The following NAGA variants were observed in gnomAD, a reference collection of about 807,000 sequenced individuals.
NAGA encodes the protein Acetylgalactosaminidase, alpha-N- (alpha-galactosidase B).
In NAGA, 42 loss-of-function variants were observed where a neutral mutation model predicts 45.6. That is an observed-to-expected ratio of 0.92 (90% CI 0.72 to 1.19). The LOEUF is 1.19. NAGA is among the 50% of genes most tolerant of loss of function. NAGA has a pLI of 0.00. For missense variants in NAGA, 493 were observed against 544.8 expected (o/e 0.90, Z 0.95); for synonymous variants, 176 against 203.1 (o/e 0.87, Z 1.13).
intron 6 of NAGA, among the ~76,000 whole-genome samples, chr22:42,064,635 ACT>A (rs1926617027): frequency 6.6e-6 from 1 of 152,108 alleles, no homozygotes. Flanking sequence ...ACAGAGCAAG[ACT>A]CTGTCTCAAA....
In NAGA at chr22:42,070,421, C is replaced by G; in HGVS notation, c.-124G>C. Reference sequence around the variant, plus strand: ...TGGGGTCACGGCTGCCTGGCTAGCTCGGCCGCCCTCAACCTTAGGCGTGGA... The same window carrying G: ...TGGGGTCACGGCTGCCTGGCTAGCTGGGCCGCCCTCAACCTTAGGCGTGGA... On this transcript the variant is annotated 5_prime_UTR_variant, in exon 1 of 9. Coordinates refer to ENST00000396398, the MANE Select transcript of NAGA (RefSeq NM_000262.3). 2.5e-6 allele frequency: 3 copies of G among 1,178,180 alleles called. No individual in the cohort carries two copies. Among genetic ancestry groups the G allele is most frequent in the Non-Finnish European group, 3.8e-6 (3 of 786,560 alleles). 73.0% of individuals were successfully genotyped at this position (1,178,180 alleles called of 1,614,324 possible).
In NAGA at chr22:42,066,730, C is replaced by G. The variant is rs121434531; in HGVS notation, c.577G>C (p.Glu193Gln). The change falls in exon 5 of 9, where the codon GAA (glutamate) becomes CAA (glutamine). Residue 193 changes from glutamate (E) to glutamine (Q), a missense_variant. Physicochemically the swap from Glu to Gln is conservative, Grantham distance 29. Coordinates refer to ENST00000396398, the MANE Select transcript of NAGA (RefSeq NM_000262.3). ...CTTACCCTTGGGGGGAGGCCGCCTT[C>G]ATAGGCTGGCCAGCTGCAGGAGAAG... Reference protein sequence around the residue: ...IAFSCSWPAYEGGLPPRVNYS... With the variant: ...IAFSCSWPAYQGGLPPRVNYS... 2 of 1,603,580 alleles carry G rather than the reference C, an allele frequency of 1.2e-6. No homozygotes were observed. Among genetic ancestry groups the G allele is most frequent in the Non-Finnish European group, 1.7e-6 (2 of 1,175,538 alleles).
In NAGA at chr22:42,060,427, G is replaced by T. The variant is rs377439996; in HGVS notation, c.1102-14C>A. ...GACGTCCTGGGCCTGCAGTGGGGAG[G>T]GACATCACCAATGCCACCATGAGAG... On this transcript the variant is annotated splice_polypyrimidine_tract_variant and intron_variant, in intron 8 of 8. Transcript: ENST00000396398. The T allele has an allele frequency of 3.1e-6, 5 of 1,612,222 alleles. No homozygotes were observed. The highest frequency in any genetic ancestry group is 1.7e-5 in the Admixed American group (1 of 59,980).
At position 42,070,333 on chromosome 22, in the gene NAGA, C is replaced by A. The variant is rs377098777; in HGVS notation, c.-36G>T. The stretch of plus-strand genomic sequence containing the variant: ...TCAGCTTCCGAGGACCTGACCAGAT[C>A]TGGTCTGCGTGTATCAGCTGTATGT... On this transcript the variant is annotated 5_prime_UTR_variant, in exon 1 of 9. Transcript: ENST00000396398. 2.0e-5 allele frequency: 32 copies of A among 1,613,820 alleles called. No homozygotes were observed. Among genetic ancestry groups the A allele is most frequent in the Non-Finnish European group, 2.7e-5 (32 of 1,179,778 alleles).
chr22:42,065,687 C>A, intron 6 of NAGA, 51 bp downstream of exon 6: 1 of 1,609,802 alleles, frequency 6.2e-7, no homozygotes, highest in Non-Finnish European at 8.5e-7. Context: ...CAGTGGGGAG[C>A]AGGGTCGTCA....
At position 42,067,142 on chromosome 22, in the gene NAGA, C is replaced by T; in HGVS notation, c.473G>A (p.Cys158Tyr). ...GGCCCGCTCCTCGGGGGTGGAGAAGCAGCCATCCAGCTTGAGCATGTCTAC... is the reference window on the plus strand; with the variant it reads ...GGCCCGCTCCTCGGGGGTGGAGAAGTAGCCATCCAGCTTGAGCATGTCTAC... ...WKVDMLKLDG[C>Y]FSTPEERAQG... Residue 158 changes from cysteine (C) to tyrosine (Y), a missense_variant, in exon 4 of 9, where the codon TGC becomes TAC. Transcript: ENST00000396398. 1 of 1,614,158 alleles carries T rather than the reference C, an allele frequency of 6.2e-7. No individual in the cohort carries two copies. Among genetic ancestry groups the T allele is most frequent in the Non-Finnish European group, 8.5e-7 (1 of 1,180,024 alleles).
At chr22:42,068,027 A>C in intron 2 of NAGA, 91 bp from the exon 3 acceptor site, 5 of 1,268,534 alleles carry the variant, frequency 3.9e-6, no homozygotes, top group East Asian at 2.3e-5. Flanking sequence ...CTGGGCTATA[A>C]AAACCATGAC....
In NAGA at chr22:42,068,586, G is replaced by T; in HGVS notation, c.17-12C>A. On this transcript the variant is annotated splice_polypyrimidine_tract_variant and intron_variant, in intron 1 of 8. Coordinates refer to ENST00000396398, the MANE Select transcript of NAGA (RefSeq NM_000262.3). ...TCCCAGCAAGAGCACTAGGGGGCAAGGGAGGAGGGGATGGTGACTATCAGT... is the reference window on the plus strand; with the variant it reads ...TCCCAGCAAGAGCACTAGGGGGCAATGGAGGAGGGGATGGTGACTATCAGT... The T allele has an allele frequency of 6.2e-7, 1 of 1,613,922 alleles. No homozygotes were observed. The highest frequency in any genetic ancestry group is 8.5e-7 in the Non-Finnish European group (1 of 1,179,980).
chr22:42,070,581 G>T lies in NAGA; in HGVS notation c.-284C>A. ...CACCCTCTGCAGTGCTGGGAGTCCC[G>T]AGGGCCTACGGGCCGCCTTCGGCCC... On this transcript the variant is annotated 5_prime_UTR_variant, in exon 1 of 9. Coordinates refer to ENST00000396398, the MANE Select transcript of NAGA (RefSeq NM_000262.3). 3.6e-6 allele frequency: 2 copies of T among 563,242 alleles called. No individual in the cohort carries two copies. Among genetic ancestry groups the T allele is most frequent in the South Asian group, 4.1e-5 (2 of 49,336 alleles). 34.9% of individuals were successfully genotyped at this position (563,242 alleles called of 1,614,324 possible). A position where few individuals can be genotyped will look rare whatever the true frequency, so the allele number is the denominator to read the frequency against.
chr22:42,070,435 CT>C lies in NAGA; in HGVS notation c.-139del. On this transcript the variant is annotated 5_prime_UTR_variant, in exon 1 of 9. It removes the in-frame stop codon of an upstream open reading frame in the 5' UTR. Transcript: ENST00000396398. ...CCTGGCTAGCTCGGCCGCCCTCAAC[CT>C]TAGGCGTGGATCGTACACTCGGTCC... The C allele has an allele frequency of 1.0e-6, 1 of 991,304 alleles. No homozygotes were observed. The highest frequency in any genetic ancestry group is 1.6e-6 in the Non-Finnish European group (1 of 620,078). 61.4% of individuals were successfully genotyped at this position (991,304 alleles called of 1,614,324 possible).
chr22:42,070,659 G>A lies in NAGA; in HGVS notation c.-362C>T, dbSNP rs940598947. On this transcript the variant is annotated 5_prime_UTR_variant, in exon 1 of 9. Coordinates refer to ENST00000396398, the MANE Select transcript of NAGA (RefSeq NM_000262.3). Reference sequence around the variant, plus strand: ...TGGCTTAAGGTCACCAAGAAAGAGCGGAGGGGCGGGGCTGCGGCCAGGCTC... The same window carrying A: ...TGGCTTAAGGTCACCAAGAAAGAGCAGAGGGGCGGGGCTGCGGCCAGGCTC... 3 of 374,812 alleles carry A rather than the reference G, an allele frequency of 8.0e-6. No individual in the cohort carries two copies. Among genetic ancestry groups the A allele is most frequent in the African/African-American group, 6.2e-5 (3 of 48,394 alleles). 23.2% of individuals were successfully genotyped at this position (374,812 alleles called of 1,614,324 possible). A position where few individuals can be genotyped will look rare whatever the true frequency, so the allele number is the denominator to read the frequency against.
chr22:42,060,039 GCGC>G lies in NAGA; in HGVS notation c.*237_*239del. 1.9e-6 allele frequency: 1 copy of G among 537,972 alleles called. No homozygotes were observed. Among genetic ancestry groups the G allele is most frequent in the Non-Finnish European group, 3.4e-6 (1 of 296,282 alleles). 33.3% of individuals were successfully genotyped at this position (537,972 alleles called of 1,614,324 possible). ...GTTGCTCAGCAACGTCTGTGGGGCT[GCGC>G]ACATGGAAGTAGAGGCCAGGAAGGC... On this transcript the variant is annotated 3_prime_UTR_variant, in exon 9 of 9. Coordinates refer to ENST00000396398, the MANE Select transcript of NAGA (RefSeq NM_000262.3).
intron 3 of NAGA, 84 bp from the exon 4 acceptor site, chr22:42,067,374 C>G: frequency 1.3e-6 from 2 of 1,540,624 alleles, no homozygotes; most frequent in Non-Finnish European, 8.9e-7. Context: ...TCCCATTAAA[C>G]CTCCAGTGGC....
chr22:42,062,707 G>T, intron 7 of NAGA, 120 bp downstream of exon 7: 2 of 1,141,142 alleles, frequency 1.8e-6, no homozygotes, highest in Non-Finnish European at 2.6e-6. Flanking sequence ...GGTAGCCCTG[G>T]TTGGGGACTG....
chr22:42,068,077 C>T, intron 2 of NAGA, 141 bp from the exon 3 acceptor site: 1 of 863,962 alleles, frequency 1.2e-6, no homozygotes. Flanking sequence ...TAAATGACCA[C>T]CAGAGATTGT....
rs1402967695 is a variant in NAGA, at chr22:42,060,282, C to A, written c.1233G>T (p.Gln411His). The A allele has an allele frequency of 6.2e-7, 1 of 1,613,472 alleles. No individual in the cohort carries two copies. The highest frequency in any genetic ancestry group is 8.5e-7 in the Non-Finnish European group (1 of 1,179,990). ...GCCTGTCACATGTCCCAGCTCCTCA[C>A]TGCTGGGACATCTCCAGGTTCTTGA... Reference protein sequence around the residue: ...YPIKNLEMSQQ With the variant: ...YPIKNLEMSQH Residue 411 changes from glutamine to histidine, a missense_variant, in exon 9 of 9, where the codon CAG (glutamine) becomes CAT (histidine). Gln to His is a conservative substitution (Grantham distance 24). Transcript: ENST00000396398.
At chr22:42,069,574 C>T (rs1262160908) in intron 1 of NAGA, among the ~76,000 whole-genome samples, 4 of 147,774 alleles carry the variant, frequency 2.7e-5, no homozygotes, top group Non-Finnish European at 5.9e-5. Context: ...GAGATCGCGC[C>T]ACTCTACTCC....
chr22:42,070,413 G>T lies in NAGA; in HGVS notation c.-116C>A. The T allele has an allele frequency of 7.8e-7, 1 of 1,276,012 alleles. No individual in the cohort carries two copies. The highest frequency in any genetic ancestry group is 1.2e-5 in the South Asian group (1 of 84,320). 79.0% of individuals were successfully genotyped at this position (1,276,012 alleles called of 1,614,324 possible). A position where few individuals can be genotyped will look rare whatever the true frequency, so the allele number is the denominator to read the frequency against. On this transcript the variant is annotated 5_prime_UTR_variant, in exon 1 of 9. Transcript: ENST00000396398. ...AAAAGCACTGGGGTCACGGCTGCCT[G>T]GCTAGCTCGGCCGCCCTCAACCTTA...
In NAGA at chr22:42,063,018, T is replaced by C; in HGVS notation, c.766A>G (p.Ile256Val). The change falls in exon 7 of 9, where the codon ATT becomes GTT. Residue 256 changes from isoleucine (I) to valine (V), a missense_variant. Transcript: ENST00000396398. ...TCTAAGCTGAGACCAAAGTTCCCAA[T>C]GAGCAGCTGGGGGCAGAGAAGAGGA... ...GHWNDPDMLL[I>V]GNFGLSLEQS... is the part of the protein sequence containing the mutation. 1.2e-6 allele frequency: 2 copies of C among 1,614,084 alleles called. No individual in the cohort carries two copies. The highest frequency in any genetic ancestry group is 8.5e-7 in the Non-Finnish European group (1 of 1,180,016).
Sources: gnomAD v4.1 joint callset for allele counts (sites outside exome capture counted in the v4.1 genomes callset) on GRCh38, gnomAD v4.1.1 for gene constraint, MANE v1.5 for transcripts, NCBI Gene and HGNC (gene_info 2026-07-23, HGNC 2026-07-21) for gene names.